The following UVRAG variants were observed in gnomAD, a reference collection of about 807,000 sequenced individuals.
UVRAG encodes UV radiation resistance associated.
UVRAG carries 19 observed loss-of-function variants against 78.0 expected under a neutral mutation model. The observed-to-expected ratio is 0.24, with a 90% CI of 0.17 to 0.36. UVRAG has a LOEUF of 0.36. UVRAG is among the 10% of genes least tolerant of loss of function. UVRAG has a pLI of 1.00. For synonymous variants in UVRAG, 323 were observed against 324.6 expected, an observed-to-expected ratio of 1.00 and a Z score of 0.05; for missense variants, 740 against 853.8, an observed-to-expected ratio of 0.87 and a Z score of 1.66.
chr11:76,123,616 T>C (rs2134482508), intron 14 of UVRAG, among the ~76,000 whole-genome samples: 1 of 152,334 alleles, frequency 6.6e-6, no homozygotes, highest in African/African-American at 2.4e-5. Flanking sequence ...TAATTTTTCC[T>C]GATTATAGAG....
chr11:76,088,939 C>T (rs1367436310), intron 13 of UVRAG, among the ~76,000 whole-genome samples: 1 of 152,158 alleles, frequency 6.6e-6, no homozygotes. Context: ...CCTTAAGGGC[C>T]AGAGACTGAG....
intron 13 of UVRAG, among the ~76,000 whole-genome samples, chr11:76,109,349 G>T (rs183515098): frequency 6.6e-6 from 1 of 152,226 alleles, no homozygotes; most frequent in Non-Finnish European, 1.5e-5. Flanking sequence ...CCTGGAGTAG[G>T]TTCTTACTGC....
chr11:76,139,437 A>T (rs1301463404), intron 14 of UVRAG, among the ~76,000 whole-genome samples: 1 of 152,096 alleles, frequency 6.6e-6, no homozygotes, highest in East Asian at 1.9e-4. Flanking sequence ...CTGTCTCCCT[A>T]CCCCAAGGCC....
intron 1 of UVRAG, among the ~76,000 whole-genome samples, 161 bp downstream of exon 1, chr11:75,815,685 G>T (rs1444583222): frequency 1.3e-5 from 2 of 152,166 alleles, no homozygotes; most frequent in Admixed American, 1.3e-4. Context: ...GCGGGGAGGG[G>T]TCCAGTGATG....
At chr11:76,044,945 G>A (rs994952045) in intron 12 of UVRAG, among the ~76,000 whole-genome samples, 4 of 152,124 alleles carry the variant, frequency 2.6e-5, no homozygotes, top group Non-Finnish European at 5.9e-5. Flanking sequence ...CTAAGAGCTC[G>A]CAAGGGGGAA....
chr11:75,816,430 C>A (rs1421391516), intron 1 of UVRAG, among the ~76,000 whole-genome samples: 2 of 152,246 alleles, frequency 1.3e-5, no homozygotes, highest in East Asian at 3.8e-4. Context: ...CTTTCACCCT[C>A]TCCCTTTATT....
chr11:75,876,363 C>T (rs1946779852), intron 3 of UVRAG, among the ~76,000 whole-genome samples: 1 of 152,152 alleles, frequency 6.6e-6, no homozygotes, highest in African/African-American at 2.4e-5. Context: ...AGTCTATATC[C>T]AGTGTTGTTT....
At chr11:75,837,985 C>G (rs1023578775) in intron 1 of UVRAG, among the ~76,000 whole-genome samples, 6 of 152,080 alleles carry the variant, frequency 3.9e-5, no homozygotes, top group Admixed American at 6.5e-5. Context: ...CACCACTCGC[C>G]AGCCTGGGTG....
intron 7 of UVRAG, among the ~76,000 whole-genome samples, chr11:75,976,788 G>C (rs889904587): frequency 6.6e-6 from 1 of 151,906 alleles, no homozygotes; most frequent in African/African-American, 2.4e-5. Flanking sequence ...CTAGCGGTCT[G>C]TCAATTTTGT....
chr11:75,870,064 A>G (rs919463030), intron 3 of UVRAG, among the ~76,000 whole-genome samples: 2 of 152,194 alleles, frequency 1.3e-5, no homozygotes, highest in African/African-American at 4.8e-5. Flanking sequence ...GCGGGTATGT[A>G]TAGGTTAAAT....
intron 9 of UVRAG, 139 bp downstream of exon 9, chr11:76,004,228 TA>T: frequency 1.3e-6 from 1 of 759,970 alleles, no homozygotes. Flanking sequence ...ATTCAACACA[TA>T]TTCATTAATT....
intron 8 of UVRAG, among the ~76,000 whole-genome samples, chr11:75,995,197 CT>C (rs1429229556): frequency 7.6e-6 from 1 of 131,470 alleles, no homozygotes; most frequent in Non-Finnish European, 1.6e-5. Context: ...TTTTTTTAAT[CT>C]TTGACCCAAG....
chr11:75,982,079 T>C (rs1455605176), intron 7 of UVRAG, among the ~76,000 whole-genome samples: 1 of 152,222 alleles, frequency 6.6e-6, no homozygotes, highest in Non-Finnish European at 1.5e-5. Context: ...GGCATTTTCC[T>C]GGTTCTTGGT....
intron 12 of UVRAG, among the ~76,000 whole-genome samples, chr11:76,060,328 C>T (rs1264028134): frequency 6.6e-6 from 1 of 152,236 alleles, no homozygotes; most frequent in Non-Finnish European, 1.5e-5. Flanking sequence ...TGCTACCTAT[C>T]ATGATGACTC....
intron 12 of UVRAG, among the ~76,000 whole-genome samples, chr11:76,044,337 T>C (rs948495716): frequency 2.0e-5 from 3 of 152,188 alleles, no homozygotes; most frequent in African/African-American, 7.2e-5. Flanking sequence ...CCAGTACATA[T>C]AAAGCCCAGC....
chr11:75,910,103 G>A (rs1813068064), intron 5 of UVRAG, among the ~76,000 whole-genome samples: 2 of 152,288 alleles, frequency 1.3e-5, no homozygotes, highest in Non-Finnish European at 2.9e-5. Context: ...TTCATAGTAT[G>A]TCTGTTTGGG....
chr11:75,844,190 G>C (rs1307128413), intron 1 of UVRAG, among the ~76,000 whole-genome samples: 1 of 151,854 alleles, frequency 6.6e-6, no homozygotes, highest in Admixed American at 6.6e-5. Context: ...AAAGTTGTTT[G>C]TATTCTACCG....
chr11:76,011,659 A>C (rs1326800319), intron 11 of UVRAG, among the ~76,000 whole-genome samples: 1 of 152,156 alleles, frequency 6.6e-6, no homozygotes, highest in African/African-American at 2.4e-5. Context: ...TTATGTTAAT[A>C]TCCTGCAGGC....
chr11:76,004,025 C>A lies in UVRAG; in HGVS notation c.847C>A (p.His283Asn). The change falls in exon 9 of 15, where the codon CAC becomes AAC. Residue 283 changes from histidine (H) to asparagine (N), a missense_variant. By Grantham distance (68) the His-to-Asn change is moderately conservative. Coordinates refer to ENST00000356136, the MANE Select transcript of UVRAG (RefSeq NM_003369.4). ...TCTAGGAAGTGCATTTTCAGCTGAG[C>A]ACCTCAAACTTCAACTCCAGAAGGA... ...QDKGSAFSAEHLKLQLQKESL... is the reference protein window; with the variant it reads ...QDKGSAFSAENLKLQLQKESL... 6.2e-7 allele frequency: 1 copy of A among 1,613,964 alleles called. No individual in the cohort carries two copies.
Sources: allele counts gnomAD v4.1 joint callset (sites outside exome capture counted in the v4.1 genomes callset), GRCh38; gene constraint gnomAD v4.1.1; transcripts MANE v1.5; gene names NCBI Gene and HGNC (gene_info 2026-07-23, HGNC 2026-07-21).